The following RBM44 variants were observed in gnomAD, a reference collection of about 807,000 sequenced individuals.
The protein encoded by RBM44 is RNA binding motif protein 44, also known as RNA-binding protein 44.
Under a neutral mutation model 105.1 loss-of-function variants are expected in RBM44, and 66 were observed. The observed-to-expected ratio is 0.63, with a 90% CI of 0.52 to 0.77. The LOEUF (loss-of-function observed/expected upper bound fraction) is 0.77, where lower values mean the gene tolerates loss of function less well. Ranked by LOEUF, RBM44 falls within the 30% of genes least tolerant of loss-of-function variation. RBM44 has a pLI of 0.00. For missense variants in RBM44, 1,122 were observed against 1,207.8 expected (o/e 0.93, Z 1.05); for synonymous variants, 365 against 417.6 (o/e 0.87, Z 1.54).
chr2:237,822,599 C>A (rs1033396006), intron 8 of RBM44, among the ~76,000 whole-genome samples: 1 of 151,858 alleles, frequency 6.6e-6, no homozygotes, highest in Non-Finnish European at 1.5e-5. Flanking sequence ...TTGTCTATTC[C>A]ATTGTTAAAT....
At chr2:237,831,882 G>A (rs1332238634) in intron 13 of RBM44, among the ~76,000 whole-genome samples, 1 of 152,150 alleles carries the variant, frequency 6.6e-6, no homozygotes, top group Non-Finnish European at 1.5e-5. Flanking sequence ...CAGGAAGGAA[G>A]GAAATAAAGT....
chr2:237,835,448 TTTTGTACCAG>T (rs1365429910), intron 15 of RBM44, among the ~76,000 whole-genome samples: 2 of 152,204 alleles, frequency 1.3e-5, no homozygotes, highest in Non-Finnish European at 1.5e-5. Flanking sequence ...AAACTGGGCC[TTTTGTACCAG>T]TTAGCCACGT....
intron 13 of RBM44, among the ~76,000 whole-genome samples, chr2:237,833,021 C>T (rs916672341): frequency 1.3e-5 from 2 of 152,154 alleles, no homozygotes; most frequent in African/African-American, 4.8e-5. Flanking sequence ...TATTACTTAC[C>T]AATAATTTGG....
chr2:237,823,364 G>C (rs896827687), intron 8 of RBM44, 76 bp from the exon 9 acceptor site: 5 of 670,768 alleles, frequency 7.5e-6, no homozygotes, highest in African/African-American at 3.7e-5. Context: ...TAATGCCAGT[G>C]AAGAGTACCT....
At chr2:237,814,990 C>T (rs1050522450) in intron 2 of RBM44, among the ~76,000 whole-genome samples, 1 of 150,940 alleles carries the variant, frequency 6.6e-6, no homozygotes, top group East Asian at 2.0e-4. Flanking sequence ...CTAGAAGTTA[C>T]AGAAGACTGA....
At chr2:237,819,088 A>G (rs2061755038) in intron 4 of RBM44, 129 bp downstream of exon 4, 1 of 457,404 alleles carries the variant, frequency 2.2e-6, no homozygotes, top group South Asian at 5.5e-5. Flanking sequence ...ATCTGTTTCA[A>G]CCGTTTGCAT....
In RBM44 at chr2:237,812,004, G is replaced by A. The variant is rs182438579; in HGVS notation, c.-18-1588G>A. ...CAAGTAGTTGGGACTACAGGCACAT[G>A]CCACCACACCCAGCTAATTGTTTGT... On this transcript the variant is annotated intron_variant, in intron 1 of 15. Transcript: ENST00000316997. Among the ~76,000 whole-genome samples, 413 of 152,168 alleles carry A rather than the reference G, an allele frequency of 2.7e-3. 3 individuals are homozygous for A. Among genetic ancestry groups the A allele is most frequent in the African/African-American group, 9.4e-3 (389 of 41,538 alleles).
In RBM44 at chr2:237,817,625, C is replaced by T. The variant is rs1417972671; in HGVS notation, c.706C>T (p.Arg236Cys). Residue 236 changes from arginine to cysteine, a missense_variant, in exon 3 of 16, where the codon CGT becomes TGT. Physicochemically the swap from Arg to Cys is radical, Grantham distance 180. Transcript: ENST00000316997. The part of the protein sequence containing the change: ...VKCASNVEDN[R>C]VNSGSGSIIS... Reference sequence around the variant, plus strand: ...ATGTGCTAGCAATGTAGAAGATAATCGTGTTAACTCGGGAAGTGGTTCTAT... The same window carrying T: ...ATGTGCTAGCAATGTAGAAGATAATTGTGTTAACTCGGGAAGTGGTTCTAT... 4 of 1,612,778 alleles carry T rather than the reference C, an allele frequency of 2.5e-6. No homozygotes were observed. Among genetic ancestry groups the T allele is most frequent in the East Asian group, 2.2e-5 (1 of 44,812 alleles).
At position 237,817,530 on chromosome 2, in the gene RBM44, A is replaced by G. The variant is rs1184104160; in HGVS notation, c.611A>G (p.Asp204Gly). The G allele has an allele frequency of 6.2e-7, 1 of 1,609,972 alleles. No homozygotes were observed. Among genetic ancestry groups the G allele is most frequent in the Non-Finnish European group, 8.5e-7 (1 of 1,177,830 alleles). Reference protein sequence around the residue: ...QEYISNHLSFDQTKALDISNP... With the variant: ...QEYISNHLSFGQTKALDISNP... Reference sequence around the variant, plus strand: ...TACATAAGTAACCATTTATCTTTTGACCAAACAAAAGCATTAGATATATCT... The same window carrying G: ...TACATAAGTAACCATTTATCTTTTGGCCAAACAAAAGCATTAGATATATCT... Residue 204 changes from aspartate (D) to glycine (G), a missense_variant, in exon 3 of 16, where the codon GAC becomes GGC. Transcript: ENST00000316997.
chr2:237,831,220 C>G (rs904638371), intron 13 of RBM44, among the ~76,000 whole-genome samples: 20 of 137,532 alleles, frequency 1.5e-4, no homozygotes, highest in Non-Finnish European at 2.4e-4. Context: ...TTTAACTTTA[C>G]CATCCTTATT....
At chr2:237,839,017 C>T (rs2061985063) in intron 15 of RBM44, among the ~76,000 whole-genome samples, 1 of 152,154 alleles carries the variant, frequency 6.6e-6, no homozygotes, top group Non-Finnish European at 1.5e-5. Context: ...GTTTGTATAG[C>T]AGTTTTAGTA....
intron 13 of RBM44, among the ~76,000 whole-genome samples, chr2:237,830,191 T>C (rs1415420939): frequency 1.3e-5 from 2 of 152,224 alleles, no homozygotes; most frequent in Non-Finnish European, 2.9e-5. Flanking sequence ...AATGAAATTA[T>C]ACTATATAGC....
At chr2:237,804,032 G>A (rs565305845) in intron 1 of RBM44, among the ~76,000 whole-genome samples, 3 of 152,126 alleles carry the variant, frequency 2.0e-5, no homozygotes, top group African/African-American at 7.2e-5. Flanking sequence ...ACCATGCCCA[G>A]CTAATTTTTG....
chr2:237,834,152 A>G lies in RBM44; in HGVS notation c.3032+10A>G, dbSNP rs1351113185. ...ATCCAGAAGTCAGCAGGTAATAACCAAAATTATATTTTAACTGCTTTAAAA... is the reference window on the plus strand; with the variant it reads ...ATCCAGAAGTCAGCAGGTAATAACCGAAATTATATTTTAACTGCTTTAAAA... On this transcript the variant is annotated intron_variant, in intron 14 of 15. Coordinates refer to ENST00000316997, the MANE Select transcript of RBM44 (RefSeq NM_001080504.3). 9 of 1,550,846 alleles carry G rather than the reference A, an allele frequency of 5.8e-6. No individual in the cohort carries two copies. Among genetic ancestry groups the G allele is most frequent in the African/African-American group, 1.4e-5 (1 of 72,716 alleles).
chr2:237,804,493 A>T (rs1038130475), intron 1 of RBM44, among the ~76,000 whole-genome samples: 2 of 152,144 alleles, frequency 1.3e-5, no homozygotes, highest in African/African-American at 4.8e-5. Flanking sequence ...CTGGTGTGAG[A>T]TGGTATTAAT....
At chr2:237,809,425 G>A (rs2061633913) in intron 1 of RBM44, among the ~76,000 whole-genome samples, 1 of 152,160 alleles carries the variant, frequency 6.6e-6, no homozygotes, top group South Asian at 2.1e-4. Flanking sequence ...TGAATGAAAT[G>A]TGTATACTCA....
At position 237,817,955 on chromosome 2, in the gene RBM44, AT is replaced by A. The variant is rs764604108; in HGVS notation, c.1038del (p.Ile346MetfsTer22). 3 of 1,604,918 alleles carry A rather than the reference AT, an allele frequency of 1.9e-6. No homozygotes were observed. The highest frequency in any genetic ancestry group is 2.5e-6 in the Non-Finnish European group (3 of 1,177,332). Reference sequence around the variant, plus strand: ...AGGTAAAGATTTTTGTGGAAATAAAATTGTTGAGAACAAAATATTACTGCAC... The same window carrying A: ...AGGTAAAGATTTTTGTGGAAATAAAATGTTGAGAACAAAATATTACTGCAC... ...NEGKDFCGNK[I>X]VENKILLHLE... On this transcript the variant is annotated frameshift_variant, in exon 3 of 16. Transcript: ENST00000316997. LOFTEE classifies it high-confidence loss of function.
At chr2:237,840,761 A>G (rs924296288) in intron 15 of RBM44, among the ~76,000 whole-genome samples, 3 of 152,242 alleles carry the variant, frequency 2.0e-5, no homozygotes, top group African/African-American at 7.2e-5. Context: ...GGTGAAGGAC[A>G]TGAACAGACA....
chr2:237,833,728 G>T (rs1447893918), intron 13 of RBM44, among the ~76,000 whole-genome samples: 1 of 152,144 alleles, frequency 6.6e-6, no homozygotes, highest in African/African-American at 2.4e-5. Context: ...TGGTTCAGAT[G>T]AGGAATCTGG....
Sources: gnomAD v4.1 joint callset for allele counts (sites outside exome capture counted in the v4.1 genomes callset) on GRCh38, gnomAD v4.1.1 for gene constraint, MANE v1.5 for transcripts, NCBI Gene and HGNC (gene_info 2026-07-23, HGNC 2026-07-21) for gene names.